The following KIF3B variants were observed in gnomAD, a reference collection of about 807,000 sequenced individuals.
KIF3B encodes kinesin family member 3B, also known as kinesin-like protein KIF3B.
In KIF3B, 38 loss-of-function variants were observed where a neutral mutation model predicts 74.3. The ratio of observed to expected loss-of-function variants is 0.51; its 90% confidence interval spans 0.39 to 0.67. The LOEUF (loss-of-function observed/expected upper bound fraction) is 0.67, where lower values mean the gene tolerates loss of function less well. Among genes scored for constraint, KIF3B ranks in the 30% least tolerant of loss-of-function variants. The pLI is 0.00. For missense variants in KIF3B, 649 were observed against 932.0 expected (o/e 0.70, Z 3.95); for synonymous variants, 326 against 342.5 (o/e 0.95, Z 0.53).
At chr20:32,282,506 C>A (rs2047647683) in intron 1 of KIF3B, among the ~76,000 whole-genome samples, 1 of 152,126 alleles carries the variant, frequency 6.6e-6, no homozygotes, top group Non-Finnish European at 1.5e-5. Flanking sequence ...CAGAAGCTAG[C>A]CAGGTGCAAC....
intron 1 of KIF3B, among the ~76,000 whole-genome samples, chr20:32,283,466 T>A (rs1028489135): frequency 6.6e-6 from 1 of 150,386 alleles, no homozygotes; most frequent in Non-Finnish European, 1.5e-5. Flanking sequence ...ATCGCACCAC[T>A]GCACTCCAGC....
chr20:32,280,751 T>C (rs1045468711), intron 1 of KIF3B, among the ~76,000 whole-genome samples: 1 of 142,560 alleles, frequency 7.0e-6, no homozygotes, highest in Non-Finnish European at 1.5e-5. Flanking sequence ...GAAAGAAAGA[T>C]GAAAGCTGAT....
chr20:32,331,141 T>A, intron 8 of KIF3B, 82 bp from the exon 9 acceptor site: 5 of 1,025,860 alleles, frequency 4.9e-6, no homozygotes, highest in Admixed American at 2.0e-5. Context: ...AAGAATGGCC[T>A]GAAATGAAAT....
At chr20:32,308,643 A>T (rs190944467) in intron 1 of KIF3B, among the ~76,000 whole-genome samples, 85 of 152,056 alleles carry the variant, frequency 5.6e-4, no homozygotes, top group Admixed American at 5.2e-3. Flanking sequence ...ACTCCTGGCC[A>T]CAAGGGATCC....
At chr20:32,289,983 G>A (rs1020266182) in intron 1 of KIF3B, among the ~76,000 whole-genome samples, 5 of 152,126 alleles carry the variant, frequency 3.3e-5, no homozygotes, top group African/African-American at 1.2e-4. Flanking sequence ...CCAGACGCTT[G>A]CTGCCTGTCT....
chr20:32,282,234 T>C (rs2122651924), intron 1 of KIF3B, among the ~76,000 whole-genome samples: 1 of 151,776 alleles, frequency 6.6e-6, no homozygotes, highest in Non-Finnish European at 1.5e-5. Context: ...AGAGGACGGA[T>C]TGGGGATGTG....
At chr20:32,318,342 AGT>A (rs1404336532) in intron 5 of KIF3B, among the ~76,000 whole-genome samples, 2 of 152,064 alleles carry the variant, frequency 1.3e-5, no homozygotes, top group Non-Finnish European at 2.9e-5. Flanking sequence ...TATACAAATC[AGT>A]GTTTTTTTAA....
At chr20:32,291,675 G>T (rs2047692166) in intron 1 of KIF3B, among the ~76,000 whole-genome samples, 1 of 150,014 alleles carries the variant, frequency 6.7e-6, no homozygotes, top group Admixed American at 6.6e-5. Flanking sequence ...GAGTGCAGTG[G>T]TGCGATCTAG....
chr20:32,307,970 C>T (rs1284868382), intron 1 of KIF3B, among the ~76,000 whole-genome samples: 2 of 149,518 alleles, frequency 1.3e-5, no homozygotes, highest in Non-Finnish European at 3.0e-5. Context: ...CTGGGTGGCT[C>T]ACGCCTATAA....
Position 32,305,407 on chromosome 20 carries a change from T to G in KIF3B, c.-65-4306T>G, listed in dbSNP as rs566411548. On this transcript the variant is annotated intron_variant, in intron 1 of 8. Transcript: ENST00000375712. ...TCCCTGCACTGAGATTTATAGGAGT[T>G]TGGGGTCCTCATATATACCGGTAAA... Among the ~76,000 whole-genome samples, 3 of 151,994 alleles carry G rather than the reference T, an allele frequency of 2.0e-5. No homozygotes were observed. In the East Asian group the frequency reaches 5.8e-4, roughly 29 times the overall value.
chr20:32,330,213 G>T lies in KIF3B; in HGVS notation c.2041G>T (p.Ala681Ser), dbSNP rs1219233586. 6.2e-7 allele frequency: 1 copy of T among 1,614,094 alleles called. No individual in the cohort carries two copies. Among genetic ancestry groups the T allele is most frequent in the East Asian group, 2.2e-5 (1 of 44,884 alleles). The change falls in exon 8 of 9, where the codon GCC becomes TCC. Residue 681 changes from alanine (A) to serine (S), a missense_variant. Ala to Ser is a moderately conservative substitution (Grantham distance 99). This residue lies in a region of KIF3B where 186 missense variants were observed against 198.5 expected (regional missense o/e 0.94). Coordinates refer to ENST00000375712, the MANE Select transcript of KIF3B (RefSeq NM_004798.4). ...TTRDYEGPAIAPKVQAALDAA... is the reference protein window; with the variant it reads ...TTRDYEGPAISPKVQAALDAA... ...CAGAGACTATGAGGGTCCAGCCATT[G>T]CCCCCAAGGTCCAGGCTGCATTGGA...
Position 32,326,795 on chromosome 20 carries a change from C to G in KIF3B, c.1773C>G (p.Ile591Met). 1 of 1,511,962 alleles carries G rather than the reference C, an allele frequency of 6.6e-7. No homozygotes were observed. The highest frequency in any genetic ancestry group is 9.1e-7 in the Non-Finnish European group (1 of 1,094,314). 93.7% of individuals were successfully genotyped at this position (1,511,962 alleles called of 1,614,324 possible). A position where few individuals can be genotyped will look rare whatever the true frequency, so the allele number is the denominator to read the frequency against. ...KLKHLIIENF[I>M]PLEEKSKIMN... Reference sequence around the variant, plus strand: ...GGCATCTTATTATAGAAAACTTTATCCCTCTGGAAGAAAAAAGTAAAATTA... The same window carrying G: ...GGCATCTTATTATAGAAAACTTTATGCCTCTGGAAGAAAAAAGTAAAATTA... The change falls in exon 6 of 9, where the codon ATC becomes ATG. Residue 591 changes from isoleucine to methionine, a missense_variant. Transcript: ENST00000375712.
At chr20:32,321,092 G>C (rs909651404) in intron 5 of KIF3B, among the ~76,000 whole-genome samples, 3 of 152,102 alleles carry the variant, frequency 2.0e-5, no homozygotes, top group African/African-American at 7.2e-5. Context: ...AGCACCATTT[G>C]TTGAAAGGGC....
chr20:32,278,800 G>A (rs2047628108), intron 1 of KIF3B, among the ~76,000 whole-genome samples: 1 of 152,128 alleles, frequency 6.6e-6, no homozygotes, highest in African/African-American at 2.4e-5. Context: ...CACTTTACCA[G>A]GCATATTATT....
At chr20:32,319,866 A>G (rs976443864) in intron 5 of KIF3B, among the ~76,000 whole-genome samples, 4 of 149,248 alleles carry the variant, frequency 2.7e-5, no homozygotes, top group African/African-American at 5.0e-5. Context: ...GATTACAGGC[A>G]TGAGCCACCA....
intron 1 of KIF3B, among the ~76,000 whole-genome samples, chr20:32,289,527 T>G (rs2047681701): frequency 6.6e-6 from 1 of 152,168 alleles, no homozygotes; most frequent in African/African-American, 2.4e-5. Context: ...AAGCTCCCTT[T>G]CAAACCAATG....
At chr20:32,281,195 GT>G (rs929679974) in intron 1 of KIF3B, among the ~76,000 whole-genome samples, 1 of 152,144 alleles carries the variant, frequency 6.6e-6, no homozygotes, top group African/African-American at 2.4e-5. Context: ...TCTTATCTGT[GT>G]CCCTTCAAGG....
chr20:32,295,837 T>C (rs1262214223), intron 1 of KIF3B, among the ~76,000 whole-genome samples: 2 of 149,202 alleles, frequency 1.3e-5, no homozygotes, highest in African/African-American at 5.0e-5. Context: ...ATTTATCAAT[T>C]AAAACATTTT....
chr20:32,330,252 G>T lies in KIF3B; in HGVS notation c.2080G>T (p.Asp694Tyr). The T allele has an allele frequency of 1.2e-6, 2 of 1,614,114 alleles. No homozygotes were observed. Among genetic ancestry groups the T allele is most frequent in the Non-Finnish European group, 1.7e-6 (2 of 1,180,004 alleles). Residue 694 changes from aspartate to tyrosine, a missense_variant, in exon 8 of 9, where the codon GAT (aspartate) becomes TAT (tyrosine). Coordinates refer to ENST00000375712, the MANE Select transcript of KIF3B (RefSeq NM_004798.4). ...GGCTGCATTGGATGCGGCTCTGCAG[G>T]ATGAAGATGAGATACAGGTGGATGC... ...VQAALDAALQ[D>Y]EDEIQVDASS... is the part of the protein sequence containing the mutation.
Sources: gnomAD v4.1 joint callset for allele counts (sites outside exome capture counted in the v4.1 genomes callset) on GRCh38, gnomAD v4.1.1 for gene constraint, gnomAD v4.1.1 regional missense constraint, MANE v1.5 for transcripts, NCBI Gene and HGNC (gene_info 2026-07-23, HGNC 2026-07-21) for gene names.